CA10: variants seen among roughly 807,000 people sequenced by gnomAD.
The protein encoded by CA10 is carbonic anhydrase 10 (inactive).
CA10 carries 14 observed loss-of-function variants against 44.2 expected under a neutral mutation model. The observed-to-expected ratio is 0.32, with a 90% CI of 0.21 to 0.50. CA10 has a LOEUF of 0.50. CA10 is among the 20% of genes least tolerant of loss of function. CA10 has a pLI of 0.99. For synonymous variants in CA10, 159 were observed against 141.6 expected (o/e 1.12, Z -0.87); for missense variants, 350 against 409.7 (o/e 0.85, Z 1.26).
At chr17:51,643,664 A>G (rs1913193910) in intron 6 of CA10, among the ~76,000 whole-genome samples, 1 of 152,224 alleles carries the variant, frequency 6.6e-6, no homozygotes, top group African/African-American at 2.4e-5. Context: ...TTTCATTTAA[A>G]ACAAGCAAAT....
chr17:52,104,561 T>C (rs896987772), intron 1 of CA10, among the ~76,000 whole-genome samples: 1 of 152,162 alleles, frequency 6.6e-6, no homozygotes, highest in Non-Finnish European at 1.5e-5. Context: ...CAATAACTAC[T>C]GGGAGAACTT....
At chr17:51,646,517 T>C (rs11650339) in intron 6 of CA10, among the ~76,000 whole-genome samples, 7,571 of 152,210 alleles carry the variant, frequency 0.05, 255 homozygotes, top group Middle Eastern at 0.082. Flanking sequence ...TTTCTGTCTC[T>C]CGAACATTTA....
At chr17:51,665,171 T>C (rs1396178413) in intron 4 of CA10, among the ~76,000 whole-genome samples, 1 of 152,212 alleles carries the variant, frequency 6.6e-6, no homozygotes, top group Non-Finnish European at 1.5e-5. Flanking sequence ...TTGGATAAAC[T>C]GTTCACAAAA....
intron 2 of CA10, among the ~76,000 whole-genome samples, chr17:51,952,804 C>G (rs1165811397): frequency 6.6e-6 from 1 of 152,138 alleles, no homozygotes; most frequent in Non-Finnish European, 1.5e-5. Flanking sequence ...AAAGCACACA[C>G]TGCCTTTATT....
In CA10 at chr17:51,717,657, G is replaced by A. The variant is rs1337465472; in HGVS notation, c.465+29976C>T. 3.2e-3 allele frequency among the ~76,000 whole-genome samples: 107 copies of A among 33,184 alleles called. 21 individuals carry two copies. Among genetic ancestry groups the A allele is most frequent in the South Asian group, 0.02 (17 of 870 alleles). 21.8% of individuals were successfully genotyped at this position (33,184 alleles called of 152,430 possible). ...TATGCATGTATATATACATATATAC[G>A]TATATATACATGTATATATGTATAT... On this transcript the variant is annotated intron_variant, in intron 4 of 8. Coordinates refer to ENST00000451037, the MANE Select transcript of CA10 (RefSeq NM_020178.5).
chr17:52,116,793 C>G (rs1464937319), intron 1 of CA10, among the ~76,000 whole-genome samples: 3 of 152,092 alleles, frequency 2.0e-5, no homozygotes. Context: ...CTTTTGGCTT[C>G]CCTCTCCCTG....
chr17:51,654,226 A>G (rs911540922), intron 4 of CA10, among the ~76,000 whole-genome samples: 1 of 152,230 alleles, frequency 6.6e-6, no homozygotes, highest in Non-Finnish European at 1.5e-5. Context: ...ATGCAGTAGT[A>G]GCTGATGGAT....
chr17:51,899,562 C>A (rs1341643430), intron 3 of CA10, among the ~76,000 whole-genome samples: 1 of 151,890 alleles, frequency 6.6e-6, no homozygotes, highest in African/African-American at 2.4e-5. Context: ...CTCTATTATG[C>A]CCATTTGGTC....
chr17:52,101,992 A>T (rs1988550933), intron 1 of CA10, among the ~76,000 whole-genome samples: 1 of 151,676 alleles, frequency 6.6e-6, no homozygotes, highest in African/African-American at 2.4e-5. Context: ...ATTGTAAAGG[A>T]TATTTTGGAG....
intron 3 of CA10, among the ~76,000 whole-genome samples, chr17:51,789,073 G>A (rs1034911723): frequency 6.6e-5 from 10 of 152,144 alleles, no homozygotes; most frequent in African/African-American, 9.6e-5. Flanking sequence ...GCAGTGGCGC[G>A]ATCTCAGCTT....
intron 3 of CA10, among the ~76,000 whole-genome samples, chr17:51,865,319 C>T (rs1379508055): frequency 6.6e-6 from 1 of 152,180 alleles, no homozygotes; most frequent in Non-Finnish European, 1.5e-5. Flanking sequence ...TCTAGTCATT[C>T]ATAGCTGCAT....
intron 1 of CA10, among the ~76,000 whole-genome samples, chr17:52,085,675 A>T (rs1386395981): frequency 6.6e-6 from 1 of 152,198 alleles, no homozygotes; most frequent in East Asian, 1.9e-4. Context: ...TTTACTTATA[A>T]CATATATATT....
chr17:52,095,286 A>T (rs1039085877), intron 1 of CA10, among the ~76,000 whole-genome samples: 1 of 152,104 alleles, frequency 6.6e-6, no homozygotes, highest in Non-Finnish European at 1.5e-5. Flanking sequence ...TATAAAGGTC[A>T]GAATATTTTT....
chr17:51,802,165 G>C (rs1387068603), intron 3 of CA10, among the ~76,000 whole-genome samples: 2 of 152,186 alleles, frequency 1.3e-5, no homozygotes, highest in African/African-American at 4.8e-5. Context: ...GATTTAGCTA[G>C]GGCTTGGGGT....
intron 4 of CA10, among the ~76,000 whole-genome samples, chr17:51,713,639 C>G (rs1916010903): frequency 6.6e-6 from 1 of 152,184 alleles, no homozygotes; most frequent in South Asian, 2.1e-4. Context: ...TCTTGCCCAG[C>G]ATATATTTAT....
chr17:51,984,841 A>G (rs1014318712), intron 2 of CA10, among the ~76,000 whole-genome samples: 1 of 152,104 alleles, frequency 6.6e-6, no homozygotes, highest in African/African-American at 2.4e-5. Flanking sequence ...CAGACTAATA[A>G]CAAGCAGAGA....
At chr17:52,034,338 C>T (rs1598177651) in intron 2 of CA10, among the ~76,000 whole-genome samples, 1 of 152,066 alleles carries the variant, frequency 6.6e-6, no homozygotes, top group Non-Finnish European at 1.5e-5. Flanking sequence ...TAAATATGTA[C>T]AGCCTATGTC....
chr17:51,926,190 T>A (rs1289927326), intron 3 of CA10, among the ~76,000 whole-genome samples: 1 of 151,592 alleles, frequency 6.6e-6, no homozygotes, highest in Non-Finnish European at 1.5e-5. Context: ...ATACTGAGAG[T>A]GGAGAGGAAC....
chr17:52,116,434 C>A (rs758414103), intron 1 of CA10, among the ~76,000 whole-genome samples: 3 of 152,122 alleles, frequency 2.0e-5, no homozygotes, highest in African/African-American at 7.2e-5. Context: ...TTGAAGGCTA[C>A]TGACAGCAGG....
Sources: allele counts gnomAD v4.1 joint callset (sites outside exome capture counted in the v4.1 genomes callset), GRCh38; gene constraint gnomAD v4.1.1; transcripts MANE v1.5; gene names NCBI Gene and HGNC (gene_info 2026-07-23, HGNC 2026-07-21).